Variants in UNKL observed in about 807,000 individuals in gnomAD.
UNKL encodes the protein putative E3 ubiquitin-protein ligase UNKL.
UNKL carries 60 observed loss-of-function variants against 78.0 expected under a neutral mutation model. That is an observed-to-expected ratio of 0.77 (90% CI 0.63 to 0.95). UNKL has a LOEUF of 0.95. Ranked by LOEUF, UNKL falls within the 40% of genes least tolerant of loss-of-function variation. The pLI is 0.00. For missense variants in UNKL, 1,159 were observed against 1,045.7 expected (o/e 1.11, Z -1.49); for synonymous variants, 608 against 474.8 (o/e 1.28, Z -3.65).
At chr16:1,409,817 A>G (rs1416046400) in intron 2 of UNKL, among the ~76,000 whole-genome samples, 2 of 152,134 alleles carry the variant, frequency 1.3e-5, no homozygotes, top group Non-Finnish European at 2.9e-5. Context: ...GCGGTGGCTC[A>G]TGTCTGTAAT....
chr16:1,369,981 G>T (rs1257002101), intron 12 of UNKL, 149 bp downstream of exon 12: 6 of 1,550,512 alleles, frequency 3.9e-6, no homozygotes, highest in Non-Finnish European at 5.2e-6. Context: ...TCTGCGGCGT[G>T]GGGGAACCTG....
rs2037534238 is a variant in UNKL, at chr16:1,401,691, C to T, written c.475G>A (p.Ala159Thr). 5.6e-6 allele frequency: 9 copies of T among 1,609,326 alleles called. No homozygotes were observed. The African/African-American group carries it at 8.0e-5, about 14-fold the overall frequency. ...PPVCDVRELQ[A>T]QEALQNGQLG... ...TGGCCGTTCTGCAAGGCTTCCTGGG[C>T]CTGCAGCTCCCTGCAAGCCGAGGAC... Residue 159 changes from alanine to threonine, a missense_variant, in exon 4 of 15, where the codon GCC becomes ACC. Physicochemically the swap from Ala to Thr is moderately conservative, Grantham distance 58 (BLOSUM62 0). Transcript: ENST00000389221.
intron 2 of UNKL, among the ~76,000 whole-genome samples, chr16:1,409,321 C>G (rs2037928377): frequency 6.6e-6 from 1 of 152,132 alleles, no homozygotes; most frequent in Non-Finnish European, 1.5e-5. Flanking sequence ...AGAACCAGAA[C>G]GGGTACTTCA....
rs1192132339 is a variant in UNKL, at chr16:1,367,091, C to A, written c.2046+1G>T. On this transcript the variant is annotated splice_donor_variant, in intron 14 of 14. Coordinates refer to ENST00000389221, the MANE Select transcript of UNKL (RefSeq NM_001372107.1). LOFTEE classifies it high-confidence loss of function. The stretch of plus-strand genomic sequence containing the variant: ...CTCACCCTGCCCAGAGCAGGACTCA[C>A]GCCGTCCACCGCCTCCAGGTCCAGG... 2 of 1,549,854 alleles carry A rather than the reference C, an allele frequency of 1.3e-6. No individual in the cohort carries two copies. The highest frequency in any genetic ancestry group is 1.7e-6 in the Non-Finnish European group (2 of 1,152,322).
intron 10 of UNKL, among the ~76,000 whole-genome samples, chr16:1,381,872 G>C (rs2036619378): frequency 6.6e-6 from 1 of 152,250 alleles, no homozygotes; most frequent in African/African-American, 2.4e-5. Flanking sequence ...TGGAGCACAG[G>C]AGTTGGAGGC....
At chr16:1,402,691 G>A (rs550842120) in intron 3 of UNKL, among the ~76,000 whole-genome samples, 11 of 150,202 alleles carry the variant, frequency 7.3e-5, no homozygotes, top group Non-Finnish European at 1.6e-4. Context: ...AGAAAAGAAA[G>A]AAATAACATC....
intron 6 of UNKL, chr16:1,394,523 G>A (rs764759541): frequency 1.8e-5 from 10 of 560,284 alleles, no homozygotes; most frequent in Non-Finnish European, 6.8e-6. Flanking sequence ...TCAGAGTCTG[G>A]TATGCAGCAG....
At chr16:1,384,534 C>T (rs2142086770) in intron 10 of UNKL, among the ~76,000 whole-genome samples, 1 of 152,188 alleles carries the variant, frequency 6.6e-6, no homozygotes, top group East Asian at 1.9e-4. Flanking sequence ...CGACTCCAAG[C>T]CTTCACTGGA....
At position 1,403,380 on chromosome 16, in the gene UNKL, A is replaced by C. The variant is rs947563559; in HGVS notation, c.288-36T>G. ...GAGAGGCACGCAATGCCTGGTTATCATGGACCCAGAGGCAGCCCTAAGCTC... is the reference window on the plus strand; with the variant it reads ...GAGAGGCACGCAATGCCTGGTTATCCTGGACCCAGAGGCAGCCCTAAGCTC... On this transcript the variant is annotated intron_variant, in intron 2 of 14. Coordinates refer to ENST00000389221, the MANE Select transcript of UNKL (RefSeq NM_001372107.1). The surrounding 1 kb of genome is among the most constrained non-coding windows in gnomAD (Gnocchi z 4.8). 6.2e-7 allele frequency: 1 copy of C among 1,600,744 alleles called. No homozygotes were observed. The highest frequency in any genetic ancestry group is 2.2e-5 in the East Asian group (1 of 44,680).
In UNKL at chr16:1,403,403, C is replaced by T. The variant is rs2142221125; in HGVS notation, c.288-59G>A. The T allele has an allele frequency of 3.9e-6, 6 of 1,534,154 alleles. No individual in the cohort carries two copies. The highest frequency in any genetic ancestry group is 2.0e-5 in the Admixed American group (1 of 50,658). On this transcript the variant is annotated intron_variant, in intron 2 of 14. Coordinates refer to ENST00000389221, the MANE Select transcript of UNKL (RefSeq NM_001372107.1). The surrounding 1 kb of genome is among the most constrained non-coding windows in gnomAD (Gnocchi z 4.8). Reference sequence around the variant, plus strand: ...TCATGGACCCAGAGGCAGCCCTAAGCTCCCTGGGTCCACGCCCTGTCAGCA... The same window carrying T: ...TCATGGACCCAGAGGCAGCCCTAAGTTCCCTGGGTCCACGCCCTGTCAGCA...
intron 5 of UNKL, among the ~76,000 whole-genome samples, chr16:1,397,753 G>A (rs111878667): frequency 1.2e-3 from 98 of 81,116 alleles, no homozygotes; most frequent in Middle Eastern, 9.6e-3. Flanking sequence ...AGGTGTCAGG[G>A]GGACACAGAG....
Position 1,399,496 on chromosome 16 carries a change from C to T in UNKL, c.612G>A (p.Val204=). 1 of 1,597,760 alleles carries T rather than the reference C, an allele frequency of 6.3e-7. No homozygotes were observed. The highest frequency in any genetic ancestry group is 8.5e-7 in the Non-Finnish European group (1 of 1,173,094). Reference sequence around the variant, plus strand: ...ACTGCTCCGTCTTGTAGCTGCCCAGCACGAAGTTGGCATCTGAAAAATGGG... The same window carrying T: ...ACTGCTCCGTCTTGTAGCTGCCCAGTACGAAGTTGGCATCTGAAAAATGGG... ...EDPRWQDANF[V]LGSYKTEQCP... is the part of the protein sequence containing the mutation. Residue 204 remains valine, a synonymous_variant, in exon 5 of 15, where the codon GTG becomes GTA. Transcript: ENST00000389221. The surrounding 1 kb of genome is among the most constrained non-coding windows in gnomAD (Gnocchi z 5.8).
intron 10 of UNKL, among the ~76,000 whole-genome samples, chr16:1,380,927 G>A (rs1239768170): frequency 6.6e-6 from 1 of 152,072 alleles, no homozygotes; most frequent in East Asian, 1.9e-4. Flanking sequence ...CACCCGCCCT[G>A]GCCTCCCAAA....
chr16:1,402,425 G>C (rs985840077), intron 3 of UNKL, among the ~76,000 whole-genome samples: 1 of 151,908 alleles, frequency 6.6e-6, no homozygotes, highest in Non-Finnish European at 1.5e-5. Context: ...AATTTCAGGA[G>C]GCCGAGGCGG....
At chr16:1,398,643 G>C (rs1041721700) in intron 5 of UNKL, 2 of 1,442,426 alleles carry the variant, frequency 1.4e-6, no homozygotes, top group Non-Finnish European at 1.8e-6. Context: ...GGAGGCCAAG[G>C]CCATGGCCCA....
rs1011964269 is a variant in UNKL, at chr16:1,379,621, G to A, written c.1264+5587C>T. On this transcript the variant is annotated intron_variant, in intron 10 of 14. Coordinates refer to ENST00000389221, the MANE Select transcript of UNKL (RefSeq NM_001372107.1). ...TGGCGGCGCACGGCTGCCACGCGCTGGGGCCGCCGCCAATGCTGACTCACG... is the reference window on the plus strand; with the variant it reads ...TGGCGGCGCACGGCTGCCACGCGCTAGGGCCGCCGCCAATGCTGACTCACG... The A allele has an allele frequency of 3.0e-6, 3 of 984,932 alleles. No individual in the cohort carries two copies. The African/African-American group carries it at 5.2e-5, about 17-fold the overall frequency. 61.0% of individuals were successfully genotyped at this position (984,932 alleles called of 1,614,324 possible). A position where few individuals can be genotyped will look rare whatever the true frequency, so the allele number is the denominator to read the frequency against.
At chr16:1,371,836 G>A (rs2035866823) in intron 10 of UNKL, among the ~76,000 whole-genome samples, 1 of 152,230 alleles carries the variant, frequency 6.6e-6, no homozygotes, top group Admixed American at 6.5e-5. Flanking sequence ...GCGTGCTCAG[G>A]TGGGACGCCC....
intron 10 of UNKL, among the ~76,000 whole-genome samples, chr16:1,371,971 C>T (rs1015307132): frequency 1.3e-5 from 2 of 152,168 alleles, no homozygotes; most frequent in African/African-American, 4.8e-5. Flanking sequence ...AAAAAACTTT[C>T]CAGGGCCGGG....
Position 1,395,730 on chromosome 16 carries a change from G to A in UNKL, c.852+1448C>T, listed in dbSNP as rs776240594. 1.7e-4 allele frequency: 78 copies of A among 456,636 alleles called. 1 individual carries two copies. Among genetic ancestry groups the A allele is most frequent in the South Asian group, 1.1e-3 (72 of 64,562 alleles). The allele number at this position is 456,636 out of a possible 1,614,324, so 28.3% of individuals were successfully genotyped here. A position where few individuals can be genotyped will look rare whatever the true frequency, so the allele number is the denominator to read the frequency against. On this transcript the variant is annotated intron_variant, in intron 6 of 14. Coordinates refer to ENST00000389221, the MANE Select transcript of UNKL (RefSeq NM_001372107.1). ...CACGTGGTGCCAGCTCCACTCAGCT[G>A]GGTACCAGAGACTGGGGTCTGCAAC... is the stretch of plus-strand genomic sequence containing the variant.
Sources: gnomAD v4.1 joint callset for allele counts (sites outside exome capture counted in the v4.1 genomes callset) on GRCh38, gnomAD v4.1.1 for gene constraint, Gnocchi (gnomAD v3.1) non-coding constraint, MANE v1.5 for transcripts, NCBI Gene and HGNC (gene_info 2026-07-23, HGNC 2026-07-21) for gene names.